The following SNX7 variants were observed in gnomAD, a reference collection of about 807,000 sequenced individuals.
The protein encoded by SNX7 is sorting nexin 7, also known as sorting nexin-7.
In SNX7, 35 loss-of-function variants were observed where a neutral mutation model predicts 48.4. The ratio of observed to expected loss-of-function variants is 0.72; its 90% CI spans 0.55 to 0.96. SNX7 has a LOEUF of 0.96. Ranked by LOEUF, SNX7 falls within the 40% of genes least tolerant of loss-of-function variation. The pLI is 0.00. For synonymous variants in SNX7, 190 were observed against 190.2 expected (o/e 1.00, Z 0.01); for missense variants, 553 against 548.9 (o/e 1.01, Z -0.07).
chr1:98,703,387 T>C (rs1267229445), intron 7 of SNX7, among the ~76,000 whole-genome samples: 3 of 152,152 alleles, frequency 2.0e-5, no homozygotes, highest in East Asian at 1.9e-4. Flanking sequence ...CAACTTAGAA[T>C]TATTATACTA....
At chr1:98,743,594 T>C (rs1654178495) in intron 8 of SNX7, among the ~76,000 whole-genome samples, 1 of 152,066 alleles carries the variant, frequency 6.6e-6, no homozygotes, top group African/African-American at 2.4e-5. Context: ...AGTCTAGTTA[T>C]TTATGGCTCA....
At chr1:98,720,079 T>A (rs1451774079) in intron 7 of SNX7, among the ~76,000 whole-genome samples, 2 of 151,910 alleles carry the variant, frequency 1.3e-5, no homozygotes, top group Non-Finnish European at 2.9e-5. Flanking sequence ...ACTTTCTATA[T>A]GTTCTCTTGG....
At chr1:98,664,536 AAAAC>A (rs1649436362) in intron 1 of SNX7, among the ~76,000 whole-genome samples, 2 of 152,194 alleles carry the variant, frequency 1.3e-5, no homozygotes, top group East Asian at 3.9e-4. Flanking sequence ...TCTCAAAAGA[AAAAC>A]AAAACAACTT....
upstream of SNX7, chr1:98,661,594 G>A (rs1365333197): frequency 1.2e-6 from 1 of 822,600 alleles, no homozygotes; most frequent in Non-Finnish European, 1.6e-6. Context: ...GGTCCCGGCA[G>A]TTCCGCGTCT....
intron 7 of SNX7, among the ~76,000 whole-genome samples, chr1:98,731,485 T>C (rs4268372): frequency 0.28 from 42,014 of 152,046 alleles, 6,125 homozygotes; most frequent in Middle Eastern, 0.31. Context: ...AAATTTTCAG[T>C]TATTTTTCAT....
At chr1:98,747,087 T>G (rs1654343406) in intron 8 of SNX7, among the ~76,000 whole-genome samples, 1 of 152,138 alleles carries the variant, frequency 6.6e-6, no homozygotes, top group Non-Finnish European at 1.5e-5. Flanking sequence ...AGAAGACACT[T>G]CTGACTTAAA....
Position 98,760,375 on chromosome 1 carries a change from T to G in SNX7, c.*244T>G, listed in dbSNP as rs1283902469. 1.8e-5 allele frequency: 6 copies of G among 330,534 alleles called. No individual in the cohort carries two copies. Among genetic ancestry groups the G allele is most frequent in the Admixed American group, 4.5e-5 (1 of 22,206 alleles). The allele number at this position is 330,534 out of a possible 1,614,324, so 20.5% of individuals were successfully genotyped here. On this transcript the variant is annotated 3_prime_UTR_variant, in exon 9 of 9. Coordinates refer to ENST00000306121, the MANE Select transcript of SNX7 (RefSeq NM_015976.5). The stretch of plus-strand genomic sequence containing the variant: ...ATACAGAGAGATATCTGGCTTGGTT[T>G]TAATTATGTTCTTAAATTTGTGTGC...
At position 98,677,999 on chromosome 1, in the gene SNX7, G is replaced by A. The variant is rs879800483; in HGVS notation, c.181-6886G>A. Among the ~76,000 whole-genome samples, 208 of 147,260 alleles carry A rather than the reference G, an allele frequency of 1.4e-3. 1 individual carries two copies. Among genetic ancestry groups the A allele is most frequent in the African/African-American group, 5.0e-3 (193 of 38,546 alleles). On this transcript the variant is annotated intron_variant, in intron 1 of 8. Transcript: ENST00000306121. ...AGTCTGTGTGTGTGTGCGTGTGTGTGTGTGTGTGTGTGTGTGTGTGTGTGT... is the reference window on the plus strand; with the variant it reads ...AGTCTGTGTGTGTGTGCGTGTGTGTATGTGTGTGTGTGTGTGTGTGTGTGT...
chr1:98,691,300 G>T, intron 3 of SNX7, 115 bp downstream of exon 3: 2 of 603,282 alleles, frequency 3.3e-6, no homozygotes, highest in Non-Finnish European at 2.7e-6. Context: ...ATTTATCTTA[G>T]GAATAATATT....
intron 7 of SNX7, among the ~76,000 whole-genome samples, chr1:98,716,361 G>C (rs2100998782): frequency 6.6e-6 from 1 of 152,242 alleles, no homozygotes; most frequent in East Asian, 1.9e-4. Context: ...TCGCTGCTTT[G>C]ACAATCTGTA....
intron 8 of SNX7, among the ~76,000 whole-genome samples, chr1:98,748,484 C>T (rs548806632): frequency 1.6e-3 from 238 of 151,982 alleles, no homozygotes; most frequent in Middle Eastern, 6.8e-3. Context: ...CAGGGATTTG[C>T]GTAGAAGGAG....
chr1:98,669,959 C>G (rs112551219), intron 1 of SNX7, among the ~76,000 whole-genome samples: 63 of 152,282 alleles, frequency 4.1e-4, no homozygotes, highest in African/African-American at 1.5e-3. Context: ...AGTAGGAACT[C>G]TATTTACAGA....
intron 8 of SNX7, among the ~76,000 whole-genome samples, chr1:98,742,925 A>G (rs931633391): frequency 4.6e-5 from 7 of 151,978 alleles, no homozygotes; most frequent in African/African-American, 1.2e-4. Flanking sequence ...ATGTTTCCAC[A>G]TAGTGTCATA....
At chr1:98,717,010 T>A (rs1158789659) in intron 7 of SNX7, among the ~76,000 whole-genome samples, 6 of 148,254 alleles carry the variant, frequency 4.0e-5, no homozygotes, top group African/African-American at 1.2e-4. Context: ...TTATCTTCTT[T>A]AAAAAAAAAA....
At position 98,715,636 on chromosome 1, in the gene SNX7, G is replaced by A. The variant is rs549594523; in HGVS notation, c.1125+13733G>A. On this transcript the variant is annotated intron_variant, in intron 7 of 8. Coordinates refer to ENST00000306121, the MANE Select transcript of SNX7 (RefSeq NM_015976.5). ...CGAGTTACCCAAATTTGATGAGTGG[G>A]ACCATCTTCAAGCTGGCTTCTATGC... is the stretch of plus-strand genomic sequence containing the variant. 3.9e-5 allele frequency among the ~76,000 whole-genome samples: 6 copies of A among 152,198 alleles called. No homozygotes were observed. The South Asian group carries it at 1.2e-3, about 32-fold the overall frequency.
At chr1:98,742,511 AT>A (rs1412678584) in intron 8 of SNX7, among the ~76,000 whole-genome samples, 3 of 152,124 alleles carry the variant, frequency 2.0e-5, no homozygotes, top group Admixed American at 2.0e-4. Context: ...ATAAAGGAAT[AT>A]AGTTTATTCC....
intron 1 of SNX7, among the ~76,000 whole-genome samples, chr1:98,684,200 T>G (rs575488045): frequency 5.9e-5 from 9 of 152,358 alleles, no homozygotes; most frequent in African/African-American, 1.9e-4. Context: ...TAGTTACCAC[T>G]TGACGATCAG....
chr1:98,747,389 A>G (rs963616219), intron 8 of SNX7, among the ~76,000 whole-genome samples: 3 of 152,192 alleles, frequency 2.0e-5, no homozygotes, highest in Non-Finnish European at 4.4e-5. Context: ...TAGCAATTAG[A>G]CATTGCCAAG....
chr1:98,722,926 C>T (rs564855223), intron 7 of SNX7, among the ~76,000 whole-genome samples: 1 of 152,016 alleles, frequency 6.6e-6, no homozygotes, highest in South Asian at 2.1e-4. Flanking sequence ...GAGAAATAAG[C>T]CTGGATTAAT....
Sources: allele counts gnomAD v4.1 joint callset (sites outside exome capture counted in the v4.1 genomes callset), GRCh38; gene constraint gnomAD v4.1.1; transcripts MANE v1.5; gene names NCBI Gene and HGNC (gene_info 2026-07-23, HGNC 2026-07-21).